PEX5: variants seen among roughly 807,000 people sequenced by gnomAD.
The protein encoded by PEX5 is PTS1 receptor.
Under a neutral mutation model 82.9 loss-of-function variants are expected in PEX5, and 52 were observed. The ratio of observed to expected loss-of-function variants is 0.63; its 90% CI spans 0.50 to 0.79. PEX5 has a LOEUF of 0.79. Among genes scored for constraint, PEX5 ranks in the 30% least tolerant of loss-of-function variants. The probability of loss-of-function intolerance (pLI) is 0.00; values close to 1 mark genes in which losing one functional copy is unlikely to be tolerated. For missense variants in PEX5, 719 were observed against 815.2 expected (o/e 0.88, Z 1.44); for synonymous variants, 300 against 318.8 (o/e 0.94, Z 0.63).
At chr12:7,190,990 A>T in intron 3 of PEX5, 67 bp downstream of exon 3, 1 of 1,458,248 alleles carries the variant, frequency 6.9e-7, no homozygotes, top group Non-Finnish European at 9.6e-7. Flanking sequence ...CTTTAAACTT[A>T]GTTCACCCGT....
chr12:7,196,379 ATAAT>A (rs1942239843), intron 5 of PEX5, among the ~76,000 whole-genome samples: 1 of 136,946 alleles, frequency 7.3e-6, no homozygotes, highest in South Asian at 2.4e-4. Context: ...ATATAATGTA[ATAAT>A]TATGTGTCAT....
chr12:7,193,464 C>T (rs1040220852), intron 5 of PEX5, among the ~76,000 whole-genome samples: 17 of 152,058 alleles, frequency 1.1e-4, no homozygotes, highest in Non-Finnish European at 1.0e-4. Context: ...GAACTCCTGA[C>T]CTTAAGTAAT....
Position 7,189,990 on chromosome 12 carries a change from G to A in PEX5, c.-17+240G>A, listed in dbSNP as rs754651589. 3.9e-5 allele frequency: 59 copies of A among 1,501,876 alleles called. 1 individual carries two copies. In the South Asian group the frequency reaches 6.9e-4, roughly 18 times the overall value. 93.0% of individuals were successfully genotyped at this position (1,501,876 alleles called of 1,614,324 possible). A position where few individuals can be genotyped will look rare whatever the true frequency, so the allele number is the denominator to read the frequency against. On this transcript the variant is annotated intron_variant, in intron 1 of 15. Transcript: ENST00000675855. ...GGCTGCGCGGGGCTAGGTATGGTCG[G>A]GCTGTTTTCCCACTGTCCCTTCTTC...
intron 17 of PEX5, among the ~76,000 whole-genome samples, chr12:7,217,181 T>C (rs1001963809): frequency 1.3e-5 from 2 of 152,246 alleles, no homozygotes; most frequent in African/African-American, 4.8e-5. Flanking sequence ...TGTGTTCTCA[T>C]TTTCCAAGTA....
At chr12:7,215,478 G>A (rs1945751563), downstream of PEX5, among the ~76,000 whole-genome samples, 1 of 152,158 alleles carries the variant, frequency 6.6e-6, no homozygotes, top group Non-Finnish European at 1.5e-5. Flanking sequence ...TAGCAACGAC[G>A]TGGAATCAAC....
At chr12:7,188,999 A>C (rs1436348440), upstream of PEX5, 1 of 152,122 alleles carries the variant, frequency 6.6e-6, no homozygotes, top group African/African-American at 2.4e-5. Context: ...GGAAGGGCTG[A>C]CTCACTGTTC....
intron 10 of PEX5, among the ~76,000 whole-genome samples, chr12:7,204,640 T>C (rs922477486): frequency 3.9e-5 from 6 of 152,222 alleles, no homozygotes; most frequent in Non-Finnish European, 4.4e-5. Context: ...ACTTTTGTTA[T>C]TATTTTGTAT....
At position 7,210,428 on chromosome 12, in the gene PEX5, G is replaced by A; in HGVS notation, c.*205G>A. On this transcript the variant is annotated 3_prime_UTR_variant, in exon 16 of 16. Coordinates refer to ENST00000675855, the MANE Select transcript of PEX5 (RefSeq NM_001351132.2). Reference sequence around the variant, plus strand: ...GGAAAATGAGCTGTGTCATCTCTGAGTCCCTTGGTAATTCAAGGGCTGTAC... The same window carrying A: ...GGAAAATGAGCTGTGTCATCTCTGAATCCCTTGGTAATTCAAGGGCTGTAC... 1.6e-6 allele frequency: 1 copy of A among 630,878 alleles called. No homozygotes were observed. Among genetic ancestry groups the A allele is most frequent in the South Asian group, 1.8e-5 (1 of 55,442 alleles). The allele number at this position is 630,878 out of a possible 1,614,324, so 39.1% of individuals were successfully genotyped here.
At chr12:7,198,152 G>A (rs751723229) in intron 5 of PEX5, among the ~76,000 whole-genome samples, 1 of 152,192 alleles carries the variant, frequency 6.6e-6, no homozygotes, top group African/African-American at 2.4e-5. Context: ...TTCTGATGTT[G>A]CAGCAGTCCC....
In PEX5 at chr12:7,202,175, G is replaced by A. The variant is rs375935352; in HGVS notation, c.643-66G>A. The A allele has an allele frequency of 3.7e-6, 6 of 1,612,244 alleles. No homozygotes were observed. The African/African-American group carries it at 4.0e-5, about 11-fold the overall frequency. On this transcript the variant is annotated intron_variant, in intron 7 of 15. Transcript: ENST00000675855. ...AGGGGTGAGTACAGGGTCCTCTTGG[G>A]CATGGTTGAGAGTGCACACCTGGAA...
At chr12:7,212,277 A>G (rs1016461951), downstream of PEX5, among the ~76,000 whole-genome samples, 4 of 151,930 alleles carry the variant, frequency 2.6e-5, no homozygotes, top group Non-Finnish European at 5.9e-5. Flanking sequence ...AAAAAAGTCT[A>G]ACTTTTAAAT....
At chr12:7,211,969 G>GTTT (rs371831157), downstream of PEX5, among the ~76,000 whole-genome samples, 2 of 140,046 alleles carry the variant, frequency 1.4e-5, no homozygotes, top group East Asian at 4.2e-4. Flanking sequence ...TTTTTTTTTT[G>GTTT]TTTTTTTTTT....
At chr12:7,203,898 G>C (rs6486911) in intron 10 of PEX5, among the ~76,000 whole-genome samples, 67,172 of 151,990 alleles carry the variant, frequency 0.44, 15,993 homozygotes, top group Admixed American at 0.61. Context: ...CTTTGGTGGG[G>C]AGTGTTAGTG....
At chr12:7,196,416 GTAA>G (rs779602408) in intron 5 of PEX5, among the ~76,000 whole-genome samples, 2,248 of 138,244 alleles carry the variant, frequency 0.016, 37 homozygotes, top group South Asian at 0.038. Context: ...CATATATAAT[GTAA>G]TAATTATATG....
At chr12:7,206,462 C>T (rs746404194) in intron 10 of PEX5, among the ~76,000 whole-genome samples, 52 of 152,354 alleles carry the variant, frequency 3.4e-4, no homozygotes, top group Admixed American at 9.8e-4. Context: ...AAAAAGTTTG[C>T]TGATCACTGG....
rs1431930642 is a variant in PEX5, at chr12:7,189,745, T to C, written c.-22T>C. On this transcript the variant is annotated 5_prime_UTR_variant, in exon 1 of 16. Coordinates refer to ENST00000675855, the MANE Select transcript of PEX5 (RefSeq NM_001351132.2). ...CCCGGCGGGTCGTGCGGCGCGGCGC[T>C]CCGCGGTGAGCGCCTGACCCCGAGG... 2 of 420,430 alleles carry C rather than the reference T, an allele frequency of 4.8e-6. No homozygotes were observed. Among genetic ancestry groups the C allele is most frequent in the Non-Finnish European group, 7.9e-6 (2 of 253,286 alleles). 26.0% of individuals were successfully genotyped at this position (420,430 alleles called of 1,614,324 possible).
chr12:7,195,238 G>C (rs1056698995), intron 5 of PEX5, among the ~76,000 whole-genome samples: 2 of 152,140 alleles, frequency 1.3e-5, no homozygotes, highest in African/African-American at 4.8e-5. Context: ...ATTTTGAGTG[G>C]GGTATTTGGT....
In PEX5 at chr12:7,211,124, AT is replaced by A. The variant is rs1945520195; in HGVS notation, c.*904del. On this transcript the variant is annotated 3_prime_UTR_variant, in exon 16 of 16. Coordinates refer to ENST00000675855, the MANE Select transcript of PEX5 (RefSeq NM_001351132.2). ...GGTTCAGAAAGTGCAATCTTGCCAG[AT>A]TTCTAGCAAATAGGTTCAGTGTTAC... 6.5e-6 allele frequency: 1 copy of A among 152,712 alleles called. No homozygotes were observed. The highest frequency in any genetic ancestry group is 1.5e-5 in the Non-Finnish European group (1 of 68,110). 9.5% of individuals were successfully genotyped at this position (152,712 alleles called of 1,614,324 possible).
chr12:7,211,332 C>CTAATGATCAGAGAGATTTTTTTTTTA lies in PEX5; in HGVS notation c.*1110_*1135dup, dbSNP rs1945543829. ...AAGCCTCTTGCCTTGTCTTTAGTAG[C>CTAATGATCAGAGAGATTTTTTTTTTA]TAATGATCAGAGAGATTTTTTTTTT... On this transcript the variant is annotated 3_prime_UTR_variant, in exon 16 of 16. Transcript: ENST00000675855. The CTAATGATCAGAGAGATTTTTTTTTTA allele has an allele frequency of 6.8e-6, 1 of 147,724 alleles. No homozygotes were observed. The highest frequency in any genetic ancestry group is 2.6e-5 in the African/African-American group (1 of 38,822). The allele number at this position is 147,724 out of a possible 1,614,324, so 9.2% of individuals were successfully genotyped here. A position where few individuals can be genotyped will look rare whatever the true frequency, so the allele number is the denominator to read the frequency against.
Sources: allele counts gnomAD v4.1 joint callset (sites outside exome capture counted in the v4.1 genomes callset), GRCh38; gene constraint gnomAD v4.1.1; transcripts MANE v1.5; gene names NCBI Gene and HGNC (gene_info 2026-07-23, HGNC 2026-07-21).